The following GJA1 variants were observed in gnomAD, a reference collection of about 807,000 sequenced individuals.
GJA1 encodes gap junction protein alpha 1.
Under a neutral mutation model 31.0 loss-of-function variants are expected in GJA1, and 9 were observed. The observed-to-expected ratio is 0.29, with a 90% CI of 0.17 to 0.51. The LOEUF (loss-of-function observed/expected upper bound fraction) is 0.51, where lower values mean the gene tolerates loss of function less well. Ranked by LOEUF, GJA1 falls within the 20% of genes least tolerant of loss-of-function variation. The probability of loss-of-function intolerance (pLI) is 0.98; values close to 1 mark genes in which losing one functional copy is unlikely to be tolerated. For missense variants in GJA1, 278 were observed against 468.8 expected, an observed-to-expected ratio of 0.59 and a Z score of 3.76; for synonymous variants, 186 against 180.1, an observed-to-expected ratio of 1.03 and a Z score of -0.26.
At chr6:121,444,795 C>T (rs1037917527) in intron 1 of GJA1, among the ~76,000 whole-genome samples, 1 of 152,178 alleles carries the variant, frequency 6.6e-6, no homozygotes, top group African/African-American at 2.4e-5. Flanking sequence ...ACTAATTTGT[C>T]CTTTTCTAAA....
In GJA1 at chr6:121,448,201, G is replaced by A. The variant is rs1295699324; in HGVS notation, c.*205G>A. ...ATGGGTGGAGAGGGAGGGGATAAGA[G>A]AGGTGCATGTTGGTATTTAAAGTAG... is the stretch of plus-strand genomic sequence containing the variant. On this transcript the variant is annotated 3_prime_UTR_variant, in exon 2 of 2. Transcript: ENST00000282561. 3.0e-5 allele frequency: 19 copies of A among 626,170 alleles called. No individual in the cohort carries two copies. Among genetic ancestry groups the A allele is most frequent in the Non-Finnish European group, 4.7e-5 (16 of 342,506 alleles). 38.8% of individuals were successfully genotyped at this position (626,170 alleles called of 1,614,324 possible).
At chr6:121,440,586 T>C (rs1773755608) in intron 1 of GJA1, among the ~76,000 whole-genome samples, 1 of 152,018 alleles carries the variant, frequency 6.6e-6, no homozygotes. Flanking sequence ...ATTTGAAACT[T>C]TAGAAATTTG....
rs1389741457 is a variant in GJA1, at chr6:121,447,012, C to T, written c.165C>T (p.Asn55=). 1 of 1,613,986 alleles carries T rather than the reference C, an allele frequency of 6.2e-7. No homozygotes were observed. Among genetic ancestry groups the T allele is most frequent in the Non-Finnish European group, 8.5e-7 (1 of 1,179,840 alleles). ...WGDEQSAFRC[N]TQQPGCENVC... is the part of the protein sequence containing the mutation. ...ATGAGCAGTCTGCCTTTCGTTGTAACACTCAGCAACCTGGTTGTGAAAATG... is the reference window on the plus strand; with the variant it reads ...ATGAGCAGTCTGCCTTTCGTTGTAATACTCAGCAACCTGGTTGTGAAAATG... The change falls in exon 2 of 2, where the codon AAC becomes AAT. Residue 55 remains asparagine, a synonymous_variant. Coordinates refer to ENST00000282561, the MANE Select transcript of GJA1 (RefSeq NM_000165.5).
chr6:121,443,052 G>A (rs978289722), intron 1 of GJA1, among the ~76,000 whole-genome samples: 6 of 152,096 alleles, frequency 3.9e-5, no homozygotes, highest in African/African-American at 1.4e-4. Context: ...GTTTCCCCCT[G>A]GTGAATAAAA....
chr6:121,446,729 G>A (rs565630621), intron 1 of GJA1, 103 bp from the exon 2 acceptor site: 56 of 831,794 alleles, frequency 6.7e-5, no homozygotes, highest in South Asian at 3.5e-4. Flanking sequence ...TTAGAAATAC[G>A]TGAAACCGTT....
At chr6:121,444,500 C>G (rs1003683047) in intron 1 of GJA1, among the ~76,000 whole-genome samples, 2 of 152,106 alleles carry the variant, frequency 1.3e-5, no homozygotes, top group Non-Finnish European at 2.9e-5. Context: ...AGGTCAGGTG[C>G]CCATTTCATT....
At chr6:121,436,323 T>G (rs1175214099) in intron 1 of GJA1, among the ~76,000 whole-genome samples, 2 of 152,128 alleles carry the variant, frequency 1.3e-5, no homozygotes, top group East Asian at 3.9e-4. Flanking sequence ...ATGGAAATCT[T>G]GATTGATGTT....
intron 1 of GJA1, among the ~76,000 whole-genome samples, chr6:121,443,692 G>A (rs377732546): frequency 7.3e-5 from 11 of 151,328 alleles, no homozygotes; most frequent in African/African-American, 2.7e-4. Context: ...ATTACTATAA[G>A]CATCTACACA....
At chr6:121,442,214 A>G (rs1296593214) in intron 1 of GJA1, among the ~76,000 whole-genome samples, 1 of 152,224 alleles carries the variant, frequency 6.6e-6, no homozygotes, top group African/African-American at 2.4e-5. Context: ...TCAACTCATT[A>G]CATTTGTCTC....
At position 121,446,685 on chromosome 6, in the gene GJA1, G is replaced by A. The variant is rs528318833; in HGVS notation, c.-16-147G>A. On this transcript the variant is annotated intron_variant, in intron 1 of 1. Coordinates refer to ENST00000282561, the MANE Select transcript of GJA1 (RefSeq NM_000165.5). ...TTCTTCGTTGGCAAAAATGGGACAG[G>A]AAGAGTTTGCACTTGGTTTTTTGTG... 28 of 696,660 alleles carry A rather than the reference G, an allele frequency of 4.0e-5. 1 individual carries two copies. In the African/African-American group the frequency reaches 4.6e-4, roughly 11 times the overall value. The allele number at this position is 696,660 out of a possible 1,614,324, so 43.2% of individuals were successfully genotyped here.
chr6:121,436,826 T>C (rs927373902), intron 1 of GJA1, among the ~76,000 whole-genome samples: 15 of 152,180 alleles, frequency 9.9e-5, no homozygotes, highest in Admixed American at 9.2e-4. Flanking sequence ...TCTTTGGAGT[T>C]GGAGCTCCTA....
rs2114284208 is a variant in GJA1, at chr6:121,447,603, T to C, written c.756T>C (p.Gly252=). 6.2e-7 allele frequency: 1 copy of C among 1,614,008 alleles called. No individual in the cohort carries two copies. Among genetic ancestry groups the C allele is most frequent in the Non-Finnish European group, 8.5e-7 (1 of 1,179,988 alleles). Residue 252 remains glycine (G), a synonymous_variant, in exon 2 of 2, where the codon GGT becomes GGC. Transcript: ENST00000282561. ...GCGACCCTTACCATGCGACCAGTGG[T>C]GCGCTGAGCCCTGCCAAAGACTGTG... ...GKSDPYHATS[G]ALSPAKDCGS...
rs1243731159 is a variant in GJA1, at chr6:121,449,479, C to G, written c.*1483C>G. 1 of 167,052 alleles carries G rather than the reference C, an allele frequency of 6.0e-6. No individual in the cohort carries two copies. Among genetic ancestry groups the G allele is most frequent in the Non-Finnish European group, 1.5e-5 (1 of 68,122 alleles). 10.3% of individuals were successfully genotyped at this position (167,052 alleles called of 1,614,324 possible). ...ATATGTTGAAGACATCTACCAGTTT[C>G]TCCAAATGCCTTTTTTAAAACTCAT... is the stretch of plus-strand genomic sequence containing the variant. On this transcript the variant is annotated 3_prime_UTR_variant, in exon 2 of 2. Transcript: ENST00000282561.
intron 1 of GJA1, among the ~76,000 whole-genome samples, chr6:121,438,032 A>T (rs1773698134): frequency 6.6e-6 from 1 of 151,624 alleles, no homozygotes; most frequent in Non-Finnish European, 1.5e-5. Flanking sequence ...AGTTAGACAG[A>T]AAACACTTTT....
At chr6:121,445,841 A>G (rs1441655540) in intron 1 of GJA1, among the ~76,000 whole-genome samples, 1 of 152,154 alleles carries the variant, frequency 6.6e-6, no homozygotes, top group Non-Finnish European at 1.5e-5. Context: ...ACTGCTTAAG[A>G]AAAAAATAGT....
At chr6:121,438,736 A>G (rs918893654) in intron 1 of GJA1, among the ~76,000 whole-genome samples, 10 of 152,120 alleles carry the variant, frequency 6.6e-5, no homozygotes, top group Non-Finnish European at 1.5e-4. Context: ...TATTAATGTA[A>G]TATTCTGTAT....
intron 1 of GJA1, among the ~76,000 whole-genome samples, chr6:121,436,460 G>T (rs935837576): frequency 6.6e-6 from 1 of 152,154 alleles, no homozygotes; most frequent in Non-Finnish European, 1.5e-5. Flanking sequence ...AAATTCAAGA[G>T]TATTAATATT....
chr6:121,440,997 C>G (rs538155693), intron 1 of GJA1, among the ~76,000 whole-genome samples: 2 of 152,034 alleles, frequency 1.3e-5, no homozygotes, highest in Non-Finnish European at 2.9e-5. Context: ...GGCTGGAGTG[C>G]AGTGGCGCGA....
intron 1 of GJA1, among the ~76,000 whole-genome samples, chr6:121,437,934 G>A (rs1017587900): frequency 6.6e-6 from 1 of 152,104 alleles, no homozygotes; most frequent in African/African-American, 2.4e-5. Context: ...TTTTGTGCAA[G>A]GATAACTGGA....
Sources: gnomAD v4.1 joint callset for allele counts (sites outside exome capture counted in the v4.1 genomes callset) on GRCh38, gnomAD v4.1.1 for gene constraint, MANE v1.5 for transcripts, NCBI Gene and HGNC (gene_info 2026-07-23, HGNC 2026-07-21) for gene names.